FAM177A1: variants seen among roughly 807,000 people sequenced by gnomAD.
The protein encoded by FAM177A1 is protein FAM177A1.
FAM177A1 carries 22 observed loss-of-function variants against 26.1 expected under a neutral mutation model. The observed-to-expected ratio is 0.84, with a 90% CI of 0.60 to 1.20. The LOEUF is 1.20. Among genes scored for constraint, FAM177A1 ranks in the 50% most tolerant of loss-of-function variants. The pLI, the probability that FAM177A1 is intolerant of heterozygous loss-of-function variation, is 0.00. For missense variants in FAM177A1, 296 were observed against 291.1 expected (o/e 1.02, Z -0.12); for synonymous variants, 95 against 99.3 (o/e 0.96, Z 0.26).
At chr14:35,046,846 A>C in intron 1 of FAM177A1, 3 of 1,340,226 alleles carry the variant, frequency 2.2e-6, no homozygotes, top group Non-Finnish European at 2.9e-6. Context: ...AGCACAGCAG[A>C]CTCTGGGGCG....
rs1337570926 is a variant in FAM177A1 at position 35,082,834 on chromosome 14, G to GA, written c.*1608dup. 1.3e-5 allele frequency: 2 copies of GA among 152,148 alleles called. No individual in the cohort carries two copies. Among genetic ancestry groups the GA allele is most frequent in the Admixed American group, 1.3e-4 (2 of 15,264 alleles). 9.4% of individuals were successfully genotyped at this position (152,148 alleles called of 1,614,324 possible). A position where few individuals can be genotyped will look rare whatever the true frequency, so the allele number is the denominator to read the frequency against. On this transcript the variant is annotated 3_prime_UTR_variant, in exon 5 of 5. Coordinates refer to ENST00000280987, the MANE Select transcript of FAM177A1 (RefSeq NM_173607.5). ...GTAATGGAAATCTGTCAATGAACAT[G>GA]AACTGAGTTCTTCAACTACAGGTTG... is the stretch of plus-strand genomic sequence containing the variant.
chr14:35,069,446 C>T (rs183082121), intron 2 of FAM177A1, among the ~76,000 whole-genome samples: 27 of 152,004 alleles, frequency 1.8e-4, no homozygotes, highest in Non-Finnish European at 3.2e-4. Context: ...CCACCATGCC[C>T]GGCTAATTTT....
intron 1 of FAM177A1, among the ~76,000 whole-genome samples, chr14:35,053,003 G>T (rs916774897): frequency 4.6e-5 from 7 of 152,262 alleles, no homozygotes; most frequent in Admixed American, 1.3e-4. Flanking sequence ...TGTTACATAT[G>T]TATTACTGGC....
intron 2 of FAM177A1, among the ~76,000 whole-genome samples, chr14:35,061,980 A>C (rs1312988610): frequency 6.6e-6 from 1 of 152,046 alleles, no homozygotes; most frequent in Non-Finnish European, 1.5e-5. Flanking sequence ...CCTCAGTAAT[A>C]GATGAGAAGT....
chr14:35,053,608 A>G (rs1390745812), intron 2 of FAM177A1, among the ~76,000 whole-genome samples, 157 bp downstream of exon 2: 1 of 152,184 alleles, frequency 6.6e-6, no homozygotes, highest in African/African-American at 2.4e-5. Context: ...TAATATTTTT[A>G]CATGATATGG....
chr14:35,064,861 C>G (rs1255704844), intron 2 of FAM177A1, among the ~76,000 whole-genome samples: 1 of 152,026 alleles, frequency 6.6e-6, no homozygotes, highest in Non-Finnish European at 1.5e-5. Context: ...ACCGTGTTAG[C>G]CAGGATGGTC....
rs964273066 is a variant in FAM177A1, at chr14:35,070,032, T to C, written c.340-7118T>C. 1.1e-3 allele frequency among the ~76,000 whole-genome samples: 156 copies of C among 143,110 alleles called. 1 individual carries two copies. The highest frequency in any genetic ancestry group is 3.8e-3 in the Middle Eastern group (1 of 264). The allele number at this position is 143,110 out of a possible 152,430, so 93.9% of individuals were successfully genotyped here. ...TCGGGAGGCTAAGGCAGAGAATTGCTTGAACCTGGGAGGTGGAGGTTGCAG... is the reference window on the plus strand; with the variant it reads ...TCGGGAGGCTAAGGCAGAGAATTGCCTGAACCTGGGAGGTGGAGGTTGCAG... On this transcript the variant is annotated intron_variant, in intron 2 of 4. Coordinates refer to ENST00000280987, the MANE Select transcript of FAM177A1 (RefSeq NM_173607.5).
chr14:35,053,505 T>G, intron 2 of FAM177A1, 54 bp downstream of exon 2: 2 of 1,579,036 alleles, frequency 1.3e-6, no homozygotes, highest in Non-Finnish European at 1.7e-6. Context: ...TGATTTATTT[T>G]TTTTCCCTAA....
chr14:35,049,899 G>A (rs1456423789), intron 1 of FAM177A1: 1 of 152,186 alleles, frequency 6.6e-6, no homozygotes, highest in Admixed American at 6.5e-5. Flanking sequence ...CTGGTGTTAT[G>A]AAACTATCTT....
At position 35,046,371 on chromosome 14, in the gene FAM177A1, C is replaced by G. The variant is rs1301768221; in HGVS notation, c.-93C>G. On this transcript the variant is annotated 5_prime_UTR_variant, in exon 1 of 5. Transcript: ENST00000280987. ...GGCCGGCGAGTCCCCTTCTCAGAGA[C>G]TTGGCTAGGCGCGGCGCGAGGCGGG... The G allele has an allele frequency of 2.6e-5, 35 of 1,354,698 alleles. No individual in the cohort carries two copies. The highest frequency in any genetic ancestry group is 3.3e-5 in the Non-Finnish European group (34 of 1,038,584). 83.9% of individuals were successfully genotyped at this position (1,354,698 alleles called of 1,614,324 possible). A position where few individuals can be genotyped will look rare whatever the true frequency, so the allele number is the denominator to read the frequency against.
intron 1 of FAM177A1, among the ~76,000 whole-genome samples, chr14:35,049,095 T>C (rs1027318883): frequency 1.3e-5 from 2 of 152,038 alleles, no homozygotes; most frequent in East Asian, 3.9e-4. Context: ...TTCACCATCT[T>C]GGTCAGGCTG....
At chr14:35,048,179 A>G (rs1299608719) in intron 1 of FAM177A1, among the ~76,000 whole-genome samples, 2 of 152,204 alleles carry the variant, frequency 1.3e-5, no homozygotes, top group East Asian at 3.8e-4. Flanking sequence ...TGGCAAGTGC[A>G]CTTACACTTA....
At chr14:35,046,233 C>T (rs2139050457), upstream of FAM177A1, 1 of 396,252 alleles carries the variant, frequency 2.5e-6, no homozygotes, top group Non-Finnish European at 4.4e-6. Flanking sequence ...ACCCGCCCCG[C>T]CCCGCCCCGC....
chr14:35,077,090 G>A, intron 2 of FAM177A1, 60 bp from the exon 3 acceptor site: 1 of 1,347,248 alleles, frequency 7.4e-7, no homozygotes. Context: ...ACTTCATTCT[G>A]GCCTAAATAT....
chr14:35,070,352 C>T (rs967572117), intron 2 of FAM177A1, among the ~76,000 whole-genome samples: 2 of 150,654 alleles, frequency 1.3e-5, no homozygotes, highest in Non-Finnish European at 3.0e-5. Context: ...TTCTTTGCGT[C>T]GGAGTCTCGC....
intron 1 of FAM177A1, 26 bp downstream of exon 1, chr14:35,046,654 T>C: frequency 6.6e-7 from 1 of 1,514,434 alleles, no homozygotes; most frequent in African/African-American, 1.4e-5. Context: ...GAGGCTGACG[T>C]CCGGGGAGCC....
At position 35,053,464 on chromosome 14, in the gene FAM177A1, TTGATGA is replaced by T; in HGVS notation, c.339+15_339+20del. The T allele has an allele frequency of 6.2e-7, 1 of 1,612,686 alleles. No individual in the cohort carries two copies. Among genetic ancestry groups the T allele is most frequent in the Non-Finnish European group, 8.5e-7 (1 of 1,179,606 alleles). On this transcript the variant is annotated intron_variant, in intron 2 of 4. Transcript: ENST00000280987. ...TACTGTTGATCCGGTAGGTTTGATA[TTGATGA>T]TTCTTTCCTCAGTGGGCTTTGTTTT...
At chr14:35,077,985 CT>C (rs2045423862) in intron 3 of FAM177A1, among the ~76,000 whole-genome samples, 1 of 152,142 alleles carries the variant, frequency 6.6e-6, no homozygotes, top group African/African-American at 2.4e-5. Flanking sequence ...CAACTTATAA[CT>C]TAATAATGCT....
intron 2 of FAM177A1, among the ~76,000 whole-genome samples, chr14:35,070,723 C>A (rs1289528851): frequency 6.6e-6 from 1 of 152,030 alleles, no homozygotes; most frequent in African/African-American, 2.4e-5. Context: ...GAAGAGCTTC[C>A]TAAATGATTA....
Sources: allele counts gnomAD v4.1 joint callset (sites outside exome capture counted in the v4.1 genomes callset), GRCh38; gene constraint gnomAD v4.1.1; transcripts MANE v1.5; gene names NCBI Gene and HGNC (gene_info 2026-07-23, HGNC 2026-07-21).